The following TRAPPC9 variants were observed in gnomAD, a reference collection of about 807,000 sequenced individuals.
TRAPPC9 encodes the protein IKK2 binding protein.
In TRAPPC9, 83 loss-of-function variants were observed where a neutral mutation model predicts 124.0. That is an observed-to-expected ratio of 0.67 (90% confidence interval 0.56 to 0.80). The LOEUF is 0.80. Among genes scored for constraint, TRAPPC9 ranks in the 30% least tolerant of loss-of-function variants. The pLI is 0.00. For synonymous variants in TRAPPC9, 638 were observed against 617.5 expected, an observed-to-expected ratio of 1.03 and a Z score of -0.49; for missense variants, 1,302 against 1,508.3, an observed-to-expected ratio of 0.86 and a Z score of 2.27.
At chr8:139,748,322 T>A (rs1478403633) in intron 21 of TRAPPC9, among the ~76,000 whole-genome samples, 1 of 77,360 alleles carries the variant, frequency 1.3e-5, no homozygotes. Context: ...GTGGGAGGTG[T>A]GCAGGGATCA....
At chr8:140,446,679 A>G (rs751454069) in intron 2 of TRAPPC9, among the ~76,000 whole-genome samples, 2 of 152,064 alleles carry the variant, frequency 1.3e-5, no homozygotes, top group Non-Finnish European at 2.9e-5. Flanking sequence ...TCAGCCTCTC[A>G]AGTAAGCTGG....
intron 16 of TRAPPC9, among the ~76,000 whole-genome samples, chr8:140,249,781 T>C (rs1461206860): frequency 6.6e-6 from 1 of 151,964 alleles, no homozygotes; most frequent in African/African-American, 2.4e-5. Context: ...TTTTTGTTTT[T>C]GTATTTTTAG....
At chr8:140,248,506 G>A (rs2064041664) in intron 16 of TRAPPC9, among the ~76,000 whole-genome samples, 1 of 152,178 alleles carries the variant, frequency 6.6e-6, no homozygotes. Context: ...GTTATTAGTG[G>A]TTTGTCCACA....
rs188707578 is a variant in TRAPPC9, at chr8:140,319,539, G to A, written c.1496-8165C>T. ...CGCCTAGGCTGGAGTACAGTGGCGC[G>A]ATCTGCAACCTCCACCTCCCAGGCT... On this transcript the variant is annotated intron_variant, in intron 9 of 22. Coordinates refer to ENST00000438773, the MANE Select transcript of TRAPPC9 (RefSeq NM_001160372.4). 1.4e-3 allele frequency among the ~76,000 whole-genome samples: 215 copies of A among 151,784 alleles called. 3 individuals are homozygous for A. The highest frequency in any genetic ancestry group is 1.4e-3 in the East Asian group (7 of 5,144).
intron 19 of TRAPPC9, among the ~76,000 whole-genome samples, chr8:139,964,522 C>G (rs932241210): frequency 7.2e-5 from 11 of 152,174 alleles, no homozygotes; most frequent in African/African-American, 2.7e-4. Flanking sequence ...CTGAGAAGGC[C>G]ACTCTGAGCC....
intron 2 of TRAPPC9, among the ~76,000 whole-genome samples, chr8:140,446,466 C>G (rs12680079): frequency 0.47 from 71,785 of 151,936 alleles, 17,216 homozygotes; most frequent in East Asian, 0.53. Flanking sequence ...TCTGCAAGAT[C>G]CAAGTGAACT....
chr8:140,272,427 T>C (rs1383885089), intron 15 of TRAPPC9, among the ~76,000 whole-genome samples: 3 of 151,088 alleles, frequency 2.0e-5, no homozygotes, highest in South Asian at 2.1e-4. Context: ...GTGATGGTGG[T>C]GATGGTAGTG....
At chr8:140,392,081 G>GA (rs915952388) in intron 7 of TRAPPC9, among the ~76,000 whole-genome samples, 26 of 152,194 alleles carry the variant, frequency 1.7e-4, no homozygotes, top group Admixed American at 1.5e-3. Context: ...TAGTTTGAGG[G>GA]AAACTACCTG....
chr8:140,234,713 AT>A (rs2063689445), intron 16 of TRAPPC9, among the ~76,000 whole-genome samples: 1 of 152,254 alleles, frequency 6.6e-6, no homozygotes, highest in Non-Finnish European at 1.5e-5. Flanking sequence ...ACCGTATGAC[AT>A]AATTCCAAAT....
chr8:140,290,965 A>T (rs755686295), intron 12 of TRAPPC9, 28 bp downstream of exon 12: 2 of 1,601,086 alleles, frequency 1.2e-6, no homozygotes, highest in African/African-American at 2.7e-5. Flanking sequence ...TGTTAGCCCA[A>T]AAAGGTCAAA....
intron 18 of TRAPPC9, among the ~76,000 whole-genome samples, chr8:140,019,135 C>T (rs1189808390): frequency 6.6e-6 from 1 of 152,174 alleles, no homozygotes; most frequent in Non-Finnish European, 1.5e-5. Flanking sequence ...GTAAAACAAC[C>T]TCATACTTCT....
At chr8:139,795,923 C>T (rs928907214) in intron 21 of TRAPPC9, among the ~76,000 whole-genome samples, 3 of 152,124 alleles carry the variant, frequency 2.0e-5, no homozygotes, top group Non-Finnish European at 4.4e-5. Flanking sequence ...AAACACAACA[C>T]AGGAGAAGGC....
chr8:139,798,951 C>T (rs1387034899), intron 21 of TRAPPC9, among the ~76,000 whole-genome samples: 25 of 152,164 alleles, frequency 1.6e-4, no homozygotes, highest in Admixed American at 1.6e-3. Context: ...TTCGGGGCCA[C>T]TGGAATTCCT....
chr8:140,183,983 G>A (rs1177392080), intron 17 of TRAPPC9, among the ~76,000 whole-genome samples: 2 of 135,968 alleles, frequency 1.5e-5, no homozygotes. Context: ...GAGGGAGGAG[G>A]GAGGAGGGAG....
intron 21 of TRAPPC9, among the ~76,000 whole-genome samples, chr8:139,846,058 G>GAGGCCA (rs775874048): frequency 2.0e-5 from 3 of 152,372 alleles, no homozygotes; most frequent in South Asian, 2.1e-4. Flanking sequence ...GCCGCAAGCT[G>GAGGCCA]AGGCCAAGGC....
Position 140,271,016 on chromosome 8 carries a change from T to C in TRAPPC9, c.2278+4642A>G, listed in dbSNP as rs571307345. 3.3e-5 allele frequency among the ~76,000 whole-genome samples: 5 copies of C among 152,328 alleles called. No homozygotes were observed. In the South Asian group the frequency reaches 6.2e-4, roughly 19 times the overall value. On this transcript the variant is annotated intron_variant, in intron 15 of 22. Transcript: ENST00000438773. ...GGCACACGATTACCACAGAGTTTAT[T>C]TGAGGTAAGGAAAAAATGTTTTCCA... is the stretch of plus-strand genomic sequence containing the variant.
At chr8:139,934,236 A>G (rs1473795948) in intron 19 of TRAPPC9, among the ~76,000 whole-genome samples, 1 of 152,116 alleles carries the variant, frequency 6.6e-6, no homozygotes, top group Non-Finnish European at 1.5e-5. Flanking sequence ...AGAGAGACAG[A>G]GAGATTAGGC....
At chr8:139,892,706 T>A (rs370858487) in intron 20 of TRAPPC9, among the ~76,000 whole-genome samples, 1 of 152,130 alleles carries the variant, frequency 6.6e-6, no homozygotes. Flanking sequence ...CCAAAACCAC[T>A]CTGGCTTTCC....
chr8:140,043,536 G>T (rs567166847), intron 17 of TRAPPC9, among the ~76,000 whole-genome samples: 1 of 152,110 alleles, frequency 6.6e-6, no homozygotes, highest in Non-Finnish European at 1.5e-5. Flanking sequence ...AACCCCAGCC[G>T]ACCATCCTGA....
Sources: allele counts gnomAD v4.1 joint callset (sites outside exome capture counted in the v4.1 genomes callset), GRCh38; gene constraint gnomAD v4.1.1; transcripts MANE v1.5; gene names NCBI Gene and HGNC (gene_info 2026-07-23, HGNC 2026-07-21).